Variants in COLEC11 observed in about 807,000 individuals in gnomAD.
COLEC11 encodes the protein collectin subfamily member 11, also known as collectin-11.
A neutral mutation model predicts 27.3 loss-of-function variants in COLEC11; 20 were observed. The ratio of observed to expected loss-of-function variants is 0.73; its 90% CI spans 0.51 to 1.06. COLEC11 has a LOEUF of 1.06. Among genes scored for constraint, COLEC11 ranks in the 50% least tolerant of loss-of-function variants. The pLI is 0.00. For synonymous variants in COLEC11, 163 were observed against 154.7 expected, an observed-to-expected ratio of 1.05 and a Z score of -0.40; for missense variants, 310 against 383.0, an observed-to-expected ratio of 0.81 and a Z score of 1.59.
intron 2 of COLEC11, among the ~76,000 whole-genome samples, chr2:3,612,573 A>G (rs536247263): frequency 1.4e-4 from 22 of 152,244 alleles, no homozygotes; most frequent in African/African-American, 4.8e-4. Flanking sequence ...TAGAGACATA[A>G]TAGAATTCCA....
In COLEC11 at chr2:3,643,870, GC is replaced by G. The variant is rs1368337077; in HGVS notation, c.570del (p.Ala191HisfsTer116). 6.2e-7 allele frequency: 1 copy of G among 1,613,634 alleles called. No individual in the cohort carries two copies. Among genetic ancestry groups the G allele is most frequent in the Non-Finnish European group, 8.5e-7 (1 of 1,180,020 alleles). The part of the protein sequence containing the change: ...PKDEAANGLM[A>X]AYLAQAGLAR... ...GGACGAGGCTGCCAATGGCCTGATG[GC>G]CGCATACCTGGCGCAAGCCGGCCTG... On this transcript the variant is annotated frameshift_variant, in exon 7 of 7. Transcript: ENST00000349077. LOFTEE classifies it high-confidence loss of function.
intron 5 of COLEC11, among the ~76,000 whole-genome samples, chr2:3,642,670 A>G (rs909722895): frequency 4.6e-5 from 7 of 152,058 alleles, no homozygotes; most frequent in African/African-American, 1.4e-4. Context: ...TTCCCTCCAC[A>G]TTCCTGCCGC....
intron 5 of COLEC11, among the ~76,000 whole-genome samples, chr2:3,642,477 C>T (rs941456954): frequency 2.0e-5 from 3 of 152,202 alleles, no homozygotes; most frequent in African/African-American, 7.2e-5. Flanking sequence ...GTGTTGCTCA[C>T]TCTTGTGTGT....
chr2:3,601,849 A>AC (rs1191088118), intron 1 of COLEC11: 3 of 152,194 alleles, frequency 2.0e-5, no homozygotes, highest in Admixed American at 1.3e-4. Context: ...CATGGCAGTA[A>AC]CCCTAGCCGT....
chr2:3,623,833 A>G (rs1263520604), intron 3 of COLEC11, among the ~76,000 whole-genome samples: 5 of 152,190 alleles, frequency 3.3e-5, no homozygotes, highest in East Asian at 1.9e-4. Context: ...TTGGTTTACT[A>G]GAGTATTATT....
intron 5 of COLEC11, among the ~76,000 whole-genome samples, chr2:3,640,893 C>T (rs1361483766): frequency 5.1e-5 from 3 of 58,430 alleles, no homozygotes; most frequent in African/African-American, 9.0e-5. Flanking sequence ...CATCCCACGG[C>T]GGACACCCAC....
chr2:3,612,388 G>A (rs548216736), intron 2 of COLEC11, among the ~76,000 whole-genome samples: 165 of 152,280 alleles, frequency 1.1e-3, no homozygotes, highest in African/African-American at 3.7e-3. Flanking sequence ...GAGTGGCCCT[G>A]TTGAGAGAAT....
At chr2:3,617,773 T>G (rs763152496) in intron 3 of COLEC11, 75 of 979,752 alleles carry the variant, frequency 7.7e-5, no homozygotes, top group Non-Finnish European at 5.8e-5. Context: ...TTTTGATTTT[T>G]TCAAGGAGCC....
chr2:3,637,160 G>A (rs1342484918), intron 3 of COLEC11, among the ~76,000 whole-genome samples: 2 of 152,212 alleles, frequency 1.3e-5, no homozygotes, highest in Non-Finnish European at 2.9e-5. Flanking sequence ...TTGGTGGGGT[G>A]CAGGAGTAGG....
chr2:3,613,293 A>G lies in COLEC11; in HGVS notation c.131-18A>G, dbSNP rs772922057. 5.0e-6 allele frequency: 8 copies of G among 1,605,808 alleles called. No homozygotes were observed. The highest frequency in any genetic ancestry group is 1.6e-4 in the Middle Eastern group (1 of 6,076). On this transcript the variant is annotated intron_variant, in intron 2 of 6. Transcript: ENST00000349077. The stretch of plus-strand genomic sequence containing the variant: ...GCTGGCCAGACGAGCTGCTAAATGG[A>G]TGTGACTTCTTCCACAGGGGATGCG...
At chr2:3,617,777 A>G (rs1227992071) in intron 3 of COLEC11, 2 of 955,124 alleles carry the variant, frequency 2.1e-6, no homozygotes, top group East Asian at 2.4e-5. Context: ...GATTTTTTCA[A>G]GGAGCCTCTG....
chr2:3,631,394 A>G (rs1444076015), intron 3 of COLEC11, among the ~76,000 whole-genome samples: 1 of 152,160 alleles, frequency 6.6e-6, no homozygotes, highest in Non-Finnish European at 1.5e-5. Flanking sequence ...AAGAACAATA[A>G]CATCTGCCTA....
chr2:3,614,875 C>T (rs1437072235), intron 3 of COLEC11, among the ~76,000 whole-genome samples: 2 of 152,164 alleles, frequency 1.3e-5, no homozygotes, highest in Admixed American at 1.3e-4. Context: ...CTAAATATCA[C>T]ATACAAAGAA....
At position 3,605,027 on chromosome 2, in the gene COLEC11, A is replaced by AG. The variant is rs3835872; in HGVS notation, c.130+559dup. 6.6e-5 allele frequency: 31 copies of AG among 470,634 alleles called. No homozygotes were observed. The East Asian group carries it at 2.1e-3, about 32-fold the overall frequency. 29.2% of individuals were successfully genotyped at this position (470,634 alleles called of 1,614,324 possible). On this transcript the variant is annotated intron_variant, in intron 2 of 6. Transcript: ENST00000349077. ...CCGGATAGAGATAGTTCTGCAGGTG[A>AG]GGCATGGGTGAGAAAGTCCCTGAGG... is the stretch of plus-strand genomic sequence containing the variant.
intron 1 of COLEC11, among the ~76,000 whole-genome samples, chr2:3,596,140 C>T (rs1661821102): frequency 6.6e-6 from 1 of 152,106 alleles, no homozygotes; most frequent in African/African-American, 2.4e-5. Flanking sequence ...GGTGCTCTGT[C>T]ACTGTAGGGA....
At position 3,602,774 on chromosome 2, in the gene COLEC11, C is replaced by A. The variant is rs947050553; in HGVS notation, c.-26-1541C>A. Among the ~76,000 whole-genome samples, 1 of 152,212 alleles carries A rather than the reference C, an allele frequency of 6.6e-6. No homozygotes were observed. The highest frequency in any genetic ancestry group is 1.5e-5 in the Non-Finnish European group (1 of 68,034). On this transcript the variant is annotated intron_variant, in intron 1 of 6. Transcript: ENST00000349077. The surrounding 1 kb of genome is among the most constrained non-coding windows in gnomAD (Gnocchi z 6.2). ...CCAGCCCACCTCTCCCCGCACTGTC[C>A]GGCATGCACTGCCTCAAGGCTTTCT... is the stretch of plus-strand genomic sequence containing the variant.
intron 3 of COLEC11, among the ~76,000 whole-genome samples, chr2:3,632,582 C>G (rs888124953): frequency 6.6e-6 from 1 of 152,244 alleles, no homozygotes; most frequent in Non-Finnish European, 1.5e-5. Context: ...TGTGTGACCT[C>G]TTTAAAGACC....
At chr2:3,637,638 C>A in intron 4 of COLEC11, 34 bp downstream of exon 4, 3 of 1,557,684 alleles carry the variant, frequency 1.9e-6, no homozygotes, top group Non-Finnish European at 2.7e-6. Flanking sequence ...TCATTTCCCC[C>A]CTGCCCCTAG....
intron 4 of COLEC11, 127 bp from the exon 5 acceptor site, chr2:3,640,151 A>G: frequency 2.8e-6 from 2 of 715,606 alleles, no homozygotes; most frequent in South Asian, 3.0e-5. Flanking sequence ...GGGCTCCGGT[A>G]CTTTGTAGCA....
Sources: gnomAD v4.1 joint callset for allele counts (sites outside exome capture counted in the v4.1 genomes callset) on GRCh38, gnomAD v4.1.1 for gene constraint, Gnocchi (gnomAD v3.1) non-coding constraint, MANE v1.5 for transcripts, NCBI Gene and HGNC (gene_info 2026-07-23, HGNC 2026-07-21) for gene names.